The following NBPF9 variants were observed in gnomAD, a reference collection of about 807,000 sequenced individuals.
NBPF9 encodes the protein NBPF member 9.
Under a neutral mutation model 97.8 loss-of-function variants are expected in NBPF9, and 91 were observed. That is an observed-to-expected ratio of 0.93 (90% CI 0.79 to 1.11). The LOEUF (loss-of-function observed/expected upper bound fraction) is 1.11, where lower values mean the gene tolerates loss of function less well. Ranked by LOEUF, NBPF9 falls within the 50% of genes least tolerant of loss-of-function variation. NBPF9 has a pLI of 0.00. For missense variants in NBPF9, 992 were observed against 939.5 expected, an observed-to-expected ratio of 1.06 and a Z score of -0.73; for synonymous variants, 334 against 359.5, an observed-to-expected ratio of 0.93 and a Z score of 0.80.
chr1:149,075,370 G>A (rs1326796417), intron 12 of NBPF9, among the ~76,000 whole-genome samples: 3 of 152,196 alleles, frequency 2.0e-5, no homozygotes. Context: ...TTGAAAACAC[G>A]ATTGAGCCTC....
chr1:149,074,799 T>C (rs2079710244), intron 12 of NBPF9, among the ~76,000 whole-genome samples: 1 of 147,928 alleles, frequency 6.8e-6, no homozygotes, highest in Non-Finnish European at 1.5e-5. Flanking sequence ...TTCTTATTTT[T>C]ATTTATCATC....
At chr1:149,097,829 T>A (rs1362455421) in intron 4 of NBPF9, among the ~76,000 whole-genome samples, 3 of 152,128 alleles carry the variant, frequency 2.0e-5, no homozygotes, top group Non-Finnish European at 4.4e-5. Flanking sequence ...GAACCAAGAA[T>A]TCCACTGTGG....
At chr1:149,068,428 G>A (rs2079167963) in intron 17 of NBPF9, among the ~76,000 whole-genome samples, 1 of 149,626 alleles carries the variant, frequency 6.7e-6, no homozygotes, top group Admixed American at 6.6e-5. Flanking sequence ...AGGGATGGAG[G>A]AAGATCTACC....
intron 5 of NBPF9, among the ~76,000 whole-genome samples, chr1:149,085,077 T>TAC (rs2080879627): frequency 6.6e-6 from 1 of 151,970 alleles, no homozygotes; most frequent in Admixed American, 6.6e-5. Context: ...TTCCTTCACA[T>TAC]ACACACACCA....
exon 18 of NBPF9, chr1:149,065,679 C>T (rs1212438766): frequency 6.3e-7 from 1 of 1,592,370 alleles, no homozygotes; most frequent in Non-Finnish European, 8.6e-7. Context: ...TCTTCAGACT[C>T]CTGCAGATTC....
At chr1:149,083,187 C>G (rs1214996521) in intron 5 of NBPF9, among the ~76,000 whole-genome samples, 1 of 143,714 alleles carries the variant, frequency 7.0e-6, no homozygotes, top group African/African-American at 2.5e-5. Flanking sequence ...TTGTTTTGGC[C>G]AAGTAATATC....
chr1:149,080,402 CA>C (rs2080321728), intron 7 of NBPF9, among the ~76,000 whole-genome samples: 2 of 150,696 alleles, frequency 1.3e-5, no homozygotes, highest in African/African-American at 4.9e-5. Flanking sequence ...GATTCAACCA[CA>C]ACGAAGTGGA....
chr1:149,070,835 T>A lies in NBPF9; in HGVS notation c.1585+99A>T, dbSNP rs587615151. 195 of 1,413,396 alleles carry A rather than the reference T, an allele frequency of 1.4e-4. 1 individual carries two copies. The African/African-American group carries it at 2.3e-3, about 16-fold the overall frequency. 87.6% of individuals were successfully genotyped at this position (1,413,396 alleles called of 1,614,324 possible). Reference sequence around the variant, plus strand: ...ATATCTGTTTAGAAACCCATCACAGTTTTTTATTCAAATGAATTTGTGTTT... The same window carrying A: ...ATATCTGTTTAGAAACCCATCACAGATTTTTATTCAAATGAATTTGTGTTT... On this transcript the variant is annotated intron_variant, in intron 16 of 29. Coordinates refer to ENST00000584027, the Ensembl canonical transcript of NBPF9.
At chr1:149,084,203 TGAC>T (rs1375662942) in intron 5 of NBPF9, among the ~76,000 whole-genome samples, 3 of 145,582 alleles carry the variant, frequency 2.1e-5, no homozygotes, top group African/African-American at 7.6e-5. Flanking sequence ...CTAATGTAAA[TGAC>T]GAGTTAATGG....
intron 26 of NBPF9, 68 bp from the exon 27 acceptor site, chr1:149,058,283 C>G: frequency 2.9e-6 from 1 of 341,006 alleles, no homozygotes; most frequent in East Asian, 9.6e-5. Flanking sequence ...AGTCCACTGT[C>G]TAATCCCCAC....
chr1:149,065,912 C>T (rs2079012263), intron 17 of NBPF9: 3 of 646,868 alleles, frequency 4.6e-6, no homozygotes, highest in South Asian at 3.9e-5. Context: ...ACATTTGCCA[C>T]AGATGAGCCA....
intron 12 of NBPF9, 136 bp downstream of exon 12, chr1:149,075,519 G>A (rs1553654065): frequency 3.5e-6 from 4 of 1,130,258 alleles, no homozygotes; most frequent in Middle Eastern, 2.9e-4. Flanking sequence ...TTGACAAAAT[G>A]TTAAAATACC....
chr1:149,053,864 T>A (rs587640996), downstream of NBPF9, among the ~76,000 whole-genome samples: 1 of 146,182 alleles, frequency 6.8e-6, no homozygotes, highest in African/African-American at 2.6e-5. Flanking sequence ...TATACAACCC[T>A]TCCTAAATGC....
intron 13 of NBPF9, 81 bp downstream of exon 13, chr1:149,073,687 T>G: frequency 1.8e-6 from 2 of 1,086,114 alleles, no homozygotes; most frequent in Non-Finnish European, 2.8e-6. Flanking sequence ...CCAGCTTAGC[T>G]CTTACGTCTC....
chr1:149,076,787 T>A (rs2152902735), intron 11 of NBPF9, among the ~76,000 whole-genome samples: 1 of 151,286 alleles, frequency 6.6e-6, no homozygotes, highest in South Asian at 2.1e-4. Flanking sequence ...GGATTACAGG[T>A]GTGACCCACT....
rs587733761 is a variant in NBPF9 at position 149,055,734 on chromosome 1, G to A, written c.3258C>T (p.Tyr1086=). ...TCAAAGTAAAAAACCTATTGTCCAC[G>A]TAAAGGGCGAAGCTGATGTGCTGTT... The change falls in exon 30 of 30, where the codon TAC becomes TAT. Residue 1086 remains tyrosine (Y), a synonymous_variant. Coordinates refer to ENST00000584027, the Ensembl canonical transcript of NBPF9. 47 of 1,611,750 alleles carry A rather than the reference G, an allele frequency of 2.9e-5. No individual in the cohort carries two copies. The African/African-American group carries it at 3.9e-4, about 13-fold the overall frequency.
chr1:149,079,982 C>G, intron 8 of NBPF9, 71 bp downstream of exon 8: 1 of 1,335,652 alleles, frequency 7.5e-7, no homozygotes, highest in Non-Finnish European at 1.1e-6. Flanking sequence ...TCTTATTTCT[C>G]CCCGCCGAGC....
At chr1:149,055,935 G>A (rs781824667) in intron 29 of NBPF9, 36 bp from the exon 30 acceptor site, 3 of 1,611,710 alleles carry the variant, frequency 1.9e-6, no homozygotes, top group East Asian at 2.2e-5. Flanking sequence ...AGCAGCCAGG[G>A]AAAATCAGAC....
At chr1:149,070,287 C>T (rs1419507435) in intron 16 of NBPF9, among the ~76,000 whole-genome samples, 2 of 143,816 alleles carry the variant, frequency 1.4e-5, no homozygotes, top group East Asian at 4.1e-4. Context: ...TGCCACTGTA[C>T]TCCAGCCTGG....
Sources: gnomAD v4.1 joint callset for allele counts (sites outside exome capture counted in the v4.1 genomes callset) on GRCh38, gnomAD v4.1.1 for gene constraint, MANE v1.5 for transcripts, NCBI Gene and HGNC (gene_info 2026-07-23, HGNC 2026-07-21) for gene names.